Variants in TRAPPC11 observed in about 807,000 individuals in gnomAD.
The protein encoded by TRAPPC11 is foie gras homolog.
In TRAPPC11, 104 loss-of-function variants were observed where a neutral mutation model predicts 151.2. That is an observed-to-expected ratio of 0.69 (90% CI 0.59 to 0.81). The LOEUF (loss-of-function observed/expected upper bound fraction) is 0.81, where lower values mean the gene tolerates loss of function less well. Among genes scored for constraint, TRAPPC11 ranks in the 30% least tolerant of loss-of-function variants. The pLI is 0.00. For synonymous variants in TRAPPC11, 456 were observed against 472.3 expected (o/e 0.97, Z 0.45); for missense variants, 1,230 against 1,349.6 (o/e 0.91, Z 1.39).
At chr4:183,661,130 C>T (rs1361306386) in intron 1 of TRAPPC11, among the ~76,000 whole-genome samples, 2 of 152,048 alleles carry the variant, frequency 1.3e-5, no homozygotes, top group Non-Finnish European at 1.5e-5. Flanking sequence ...TTAAACAATT[C>T]TAAAACAATC....
At position 183,706,522 on chromosome 4, in the gene TRAPPC11, CA is replaced by C. The variant is rs758266336; in HGVS notation, c.3056-270del. Reference sequence around the variant, plus strand: ...TGGGTGAAAGAGCGAGACTCCGCCTCAAAAAAAAAAAAAAAGAAATGATCCT... The same window carrying C: ...TGGGTGAAAGAGCGAGACTCCGCCTCAAAAAAAAAAAAAAGAAATGATCCT... On this transcript the variant is annotated intron_variant, in intron 27 of 29. Coordinates refer to ENST00000334690, the MANE Select transcript of TRAPPC11 (RefSeq NM_021942.6). 0.15 allele frequency among the ~76,000 whole-genome samples: 16,259 copies of C among 109,562 alleles called. 899 individuals carry two copies. Among genetic ancestry groups the C allele is most frequent in the African/African-American group, 0.19 (5,837 of 30,108 alleles). The allele number at this position is 109,562 out of a possible 152,430, so 71.9% of individuals were successfully genotyped here.
At chr4:183,663,755 TGAGA>T in intron 1 of TRAPPC11, 88 bp from the exon 2 acceptor site, 2 of 473,400 alleles carry the variant, frequency 4.2e-6, no homozygotes, top group Non-Finnish European at 7.3e-6. Context: ...TTTTTTTTTT[TGAGA>T]CAGAGTTTTG....
chr4:183,695,323 G>A (rs7693550), intron 23 of TRAPPC11, among the ~76,000 whole-genome samples: 2,242 of 152,206 alleles, frequency 0.015, 52 homozygotes, highest in African/African-American at 0.052. Context: ...AAATCTGTAA[G>A]TTGACTTACA....
In TRAPPC11 at chr4:183,685,334, T is replaced by C; in HGVS notation, c.1693T>C (p.Trp565Arg). ...AGCTGTGAAAACTGCTCAGAAGCTG[T>C]GGGCAGACCGAATTTCTCTGGCTGG... ...ILAVKTAQKL[W>R]ADRISLAGSN... is the part of the protein sequence containing the mutation. The change falls in exon 17 of 30, where the codon TGG (tryptophan) becomes CGG (arginine). Residue 565 changes from tryptophan (W) to arginine (R), a missense_variant. Physicochemically the swap from Trp to Arg is moderately radical, Grantham distance 101 (BLOSUM62 -3). Transcript: ENST00000334690. 1 of 1,614,158 alleles carries C rather than the reference T, an allele frequency of 6.2e-7. No homozygotes were observed. The highest frequency in any genetic ancestry group is 8.5e-7 in the Non-Finnish European group (1 of 1,180,010).
intron 26 of TRAPPC11, among the ~76,000 whole-genome samples, chr4:183,703,240 T>C (rs536378814): frequency 1.3e-3 from 195 of 152,288 alleles, no homozygotes; most frequent in African/African-American, 4.6e-3. Flanking sequence ...CTTTACACTT[T>C]GAAAAATCAG....
chr4:183,683,934 A>T, intron 11 of TRAPPC11, 41 bp from the exon 12 acceptor site: 2 of 1,493,508 alleles, frequency 1.3e-6, no homozygotes, highest in Non-Finnish European at 1.9e-6. Flanking sequence ...GATTTATATT[A>T]AATGAGCTGT....
At chr4:183,686,378 C>T (rs913448762) in intron 17 of TRAPPC11, among the ~76,000 whole-genome samples, 1 of 152,214 alleles carries the variant, frequency 6.6e-6, no homozygotes, top group South Asian at 2.1e-4. Flanking sequence ...CTCAAGTGAT[C>T]CGCCTGGCTT....
chr4:183,675,252 C>A lies in TRAPPC11; in HGVS notation c.734+15C>A. ...AATGCGCTGAAGTAAGTTAAGCTTT[C>A]AAACTAAATGTTTCCTATTTTTATA... On this transcript the variant is annotated intron_variant, in intron 7 of 29. Coordinates refer to ENST00000334690, the MANE Select transcript of TRAPPC11 (RefSeq NM_021942.6). 6.8e-7 allele frequency: 1 copy of A among 1,472,310 alleles called. No homozygotes were observed. 91.2% of individuals were successfully genotyped at this position (1,472,310 alleles called of 1,614,324 possible).
chr4:183,686,692 G>A lies in TRAPPC11; in HGVS notation c.1837G>A (p.Ala613Thr), dbSNP rs769979581. The change falls in exon 18 of 30, where the codon GCT (alanine) becomes ACT (threonine). Residue 613 changes from alanine (A) to threonine (T), a missense_variant. Coordinates refer to ENST00000334690, the MANE Select transcript of TRAPPC11 (RefSeq NM_021942.6). ...TGTTCAGTTTGATATTTATCTGAAG[G>A]CTGATTGTCCACATCCCATTAGGTT... ...VPVQFDIYLK[A>T]DCPHPIRFSK... 6.2e-7 allele frequency: 1 copy of A among 1,614,056 alleles called. No individual in the cohort carries two copies. The highest frequency in any genetic ancestry group is 1.1e-5 in the South Asian group (1 of 91,082).
chr4:183,676,986 A>C (rs1295448466), intron 7 of TRAPPC11, among the ~76,000 whole-genome samples: 1 of 151,992 alleles, frequency 6.6e-6, no homozygotes, highest in Non-Finnish European at 1.5e-5. Context: ...GCTGATCTGA[A>C]ACTCCTGACC....
chr4:183,695,447 G>C (rs910013108), intron 23 of TRAPPC11, among the ~76,000 whole-genome samples: 1 of 152,098 alleles, frequency 6.6e-6, no homozygotes, highest in Non-Finnish European at 1.5e-5. Flanking sequence ...AAATAGGAAC[G>C]ATCACGGTTA....
rs368983109 is a variant in TRAPPC11 at position 183,664,116 on chromosome 4, A to ATG, written c.204+59_204+60dup. On this transcript the variant is annotated intron_variant, in intron 2 of 29. Coordinates refer to ENST00000334690, the MANE Select transcript of TRAPPC11 (RefSeq NM_021942.6). Reference sequence around the variant, plus strand: ...ATGTGTTCTTTCCTTCTCTCTCTCTATGTGTGTGTGTGTGTCTTTTTTGTT... The same window carrying ATG: ...ATGTGTTCTTTCCTTCTCTCTCTCTATGTGTGTGTGTGTGTGTCTTTTTTGTT... 4.0e-4 allele frequency: 444 copies of ATG among 1,103,048 alleles called. 2 individuals carry two copies. Among genetic ancestry groups the ATG allele is most frequent in the South Asian group, 1.3e-3 (94 of 72,558 alleles). The allele number at this position is 1,103,048 out of a possible 1,614,324, so 68.3% of individuals were successfully genotyped here.
At chr4:183,711,717 G>A (rs144403793) in intron 29 of TRAPPC11, among the ~76,000 whole-genome samples, 3 of 100,740 alleles carry the variant, frequency 3.0e-5, no homozygotes, top group South Asian at 3.1e-4. Flanking sequence ...TCACTGCCTC[G>A]GGAATGCCTC....
At chr4:183,669,820 A>G (rs942628015) in intron 5 of TRAPPC11, among the ~76,000 whole-genome samples, 19 of 152,184 alleles carry the variant, frequency 1.2e-4, no homozygotes, top group African/African-American at 4.6e-4. Context: ...GATCCTGCCC[A>G]CCACAGCTTT....
At chr4:183,703,653 T>G (rs981104290) in intron 26 of TRAPPC11, among the ~76,000 whole-genome samples, 1 of 152,158 alleles carries the variant, frequency 6.6e-6, no homozygotes, top group African/African-American at 2.4e-5. Flanking sequence ...GGAGGATCGC[T>G]GGAGCTCAGG....
intron 11 of TRAPPC11, among the ~76,000 whole-genome samples, chr4:183,683,504 A>C (rs188222411): frequency 6.8e-4 from 104 of 151,998 alleles, no homozygotes; most frequent in African/African-American, 2.1e-3. Flanking sequence ...CTACAAAAAA[A>C]TACAAAAATT....
intron 21 of TRAPPC11, 55 bp downstream of exon 21, chr4:183,693,792 T>C: frequency 6.2e-7 from 1 of 1,602,294 alleles, no homozygotes; most frequent in Non-Finnish European, 8.5e-7. Context: ...TAAATAAGCA[T>C]CAGTGATGTC....
chr4:183,670,939 C>G (rs1311403533), intron 5 of TRAPPC11, among the ~76,000 whole-genome samples: 1 of 152,160 alleles, frequency 6.6e-6, no homozygotes, highest in African/African-American at 2.4e-5. Context: ...GCAATCTTGG[C>G]CAGGCTGGTC....
At chr4:183,663,375 A>G (rs911133956) in intron 1 of TRAPPC11, among the ~76,000 whole-genome samples, 1 of 152,038 alleles carries the variant, frequency 6.6e-6, no homozygotes, top group Non-Finnish European at 1.5e-5. Flanking sequence ...CTGGGACTAC[A>G]GGCGCCCACC....
Sources: gnomAD v4.1 joint callset for allele counts (sites outside exome capture counted in the v4.1 genomes callset) on GRCh38, gnomAD v4.1.1 for gene constraint, MANE v1.5 for transcripts, NCBI Gene and HGNC (gene_info 2026-07-23, HGNC 2026-07-21) for gene names.